The following SOCS7 variants were observed in gnomAD, a reference collection of about 807,000 sequenced individuals.
The protein encoded by SOCS7 is NAP-4.
Under a neutral mutation model 58.9 loss-of-function variants are expected in SOCS7, and 18 were observed. The ratio of observed to expected loss-of-function variants is 0.31; its 90% CI spans 0.21 to 0.45. The LOEUF (loss-of-function observed/expected upper bound fraction) is 0.45, where lower values mean the gene tolerates loss of function less well. Among genes scored for constraint, SOCS7 ranks in the 20% least tolerant of loss-of-function variants. The pLI is 1.00. For missense variants in SOCS7, 667 were observed against 837.3 expected (o/e 0.80, Z 2.51); for synonymous variants, 388 against 364.3 (o/e 1.06, Z -0.74).
At position 38,399,064 on chromosome 17, in the gene SOCS7, G is replaced by C. The variant is rs540592875; in HGVS notation, c.*31-449G>C. On this transcript the variant is annotated intron_variant, in intron 9 of 9. Transcript: ENST00000612932. ...GATCATGCCTTTGCACTCCAGCCTG[G>C]GTGACAGAGCGAGACTCCGTCTCAA... is the stretch of plus-strand genomic sequence containing the variant. Among the ~76,000 whole-genome samples, 6 of 150,922 alleles carry C rather than the reference G, an allele frequency of 4.0e-5. No individual in the cohort carries two copies. In the East Asian group the frequency reaches 1.2e-3, roughly 29 times the overall value.
rs960754798 is a variant in SOCS7 at position 38,352,051 on chromosome 17, C to T, written c.-2C>T. Among the ~76,000 whole-genome samples the T allele has an allele frequency of 2.0e-5, 3 of 151,256 alleles. No individual in the cohort carries two copies. Among genetic ancestry groups the T allele is most frequent in the Non-Finnish European group, 4.4e-5 (3 of 67,686 alleles). On this transcript the variant is annotated 5_prime_UTR_variant, in exon 1 of 10. Coordinates refer to ENST00000612932, the MANE Select transcript of SOCS7 (RefSeq NM_014598.4). The surrounding 1 kb of genome is among the most constrained non-coding windows in gnomAD (Gnocchi z 5.5). ...GCCGCCCGCCCTCCCTCCCTCTCCC[C>T]GATGCAGGAGGCCGAGCTCCGGGAT...
At position 38,384,797 on chromosome 17, in the gene SOCS7, T is replaced by A. The variant is rs1285629787; in HGVS notation, c.1681+6955T>A. ...TAGTAGAGGCAGGGTTTTACCATGT[T>A]GGTCAGGCTTGTCTTGAACTCCTGA... is the stretch of plus-strand genomic sequence containing the variant. On this transcript the variant is annotated intron_variant, in intron 7 of 9. Coordinates refer to ENST00000612932, the MANE Select transcript of SOCS7 (RefSeq NM_014598.4). Among the ~76,000 whole-genome samples, 9 of 152,100 alleles carry A rather than the reference T, an allele frequency of 5.9e-5. No individual in the cohort carries two copies. The South Asian group carries it at 1.5e-3, about 25-fold the overall frequency.
chr17:38,380,615 A>G (rs1284546616), intron 7 of SOCS7, among the ~76,000 whole-genome samples: 2 of 151,300 alleles, frequency 1.3e-5, no homozygotes, highest in Non-Finnish European at 2.9e-5. Context: ...TGGGCCCCCA[A>G]GCAAGACTCT....
At chr17:38,367,045 T>G (rs1371888014) in intron 5 of SOCS7, among the ~76,000 whole-genome samples, 1 of 151,054 alleles carries the variant, frequency 6.6e-6, no homozygotes, top group Non-Finnish European at 1.5e-5. Flanking sequence ...TTATTATTCT[T>G]TGTTTTTTGT....
chr17:38,386,245 A>G (rs1342539045), intron 7 of SOCS7, among the ~76,000 whole-genome samples: 1 of 147,442 alleles, frequency 6.8e-6, no homozygotes, highest in Non-Finnish European at 1.5e-5. Context: ...AATGGCCTGA[A>G]CCCAGGAGGC....
In SOCS7 at chr17:38,354,085, T is replaced by G. The variant is rs147858957; in HGVS notation, c.980+1053T>G. ...CCTGCATTTCTGAGGGGTGGACTGA[T>G]CTTCGGCATCCAGTGTTACATCTGT... On this transcript the variant is annotated intron_variant, in intron 1 of 9. Coordinates refer to ENST00000612932, the MANE Select transcript of SOCS7 (RefSeq NM_014598.4). Among the ~76,000 whole-genome samples the G allele has an allele frequency of 3.2e-3, 481 of 152,338 alleles. 14 individuals are homozygous for G. Among genetic ancestry groups the G allele is most frequent in the East Asian group, 1.4e-3 (7 of 5,184 alleles).
chr17:38,382,803 T>C (rs957762035), intron 7 of SOCS7, among the ~76,000 whole-genome samples: 4 of 152,180 alleles, frequency 2.6e-5, no homozygotes, highest in African/African-American at 9.7e-5. Context: ...GACAGCTCTT[T>C]AAGGAAATTG....
chr17:38,381,995 A>G (rs776489119), intron 7 of SOCS7, among the ~76,000 whole-genome samples: 25 of 150,030 alleles, frequency 1.7e-4, no homozygotes, highest in Non-Finnish European at 3.2e-4. Context: ...CTAAACCCCT[A>G]ACACCAGACA....
rs774377632 is a variant in SOCS7, at chr17:38,402,780, A to G, written c.*3298A>G. ...GTTGTATTTTCAAGTCACAAATTGG[A>G]AAAGGCTTACATCTAGGGACCCACT... On this transcript the variant is annotated 3_prime_UTR_variant, in exon 10 of 10. Transcript: ENST00000612932. 6.6e-6 allele frequency: 1 copy of G among 152,156 alleles called. No homozygotes were observed. The highest frequency in any genetic ancestry group is 1.5e-5 in the Non-Finnish European group (1 of 68,026). The allele number at this position is 152,156 out of a possible 1,614,324, so 9.4% of individuals were successfully genotyped here. A position where few individuals can be genotyped will look rare whatever the true frequency, so the allele number is the denominator to read the frequency against.
At chr17:38,388,460 A>G (rs1422207513) in intron 7 of SOCS7, among the ~76,000 whole-genome samples, 1 of 152,130 alleles carries the variant, frequency 6.6e-6, no homozygotes, top group African/African-American at 2.4e-5. Context: ...CAGAGGTTGC[A>G]GTAAGCTGAG....
chr17:38,353,621 A>G (rs572800614), intron 1 of SOCS7, among the ~76,000 whole-genome samples: 52 of 152,308 alleles, frequency 3.4e-4, no homozygotes, highest in Non-Finnish European at 6.6e-4. Flanking sequence ...AGAAAATAGC[A>G]GACCGGGCAC....
chr17:38,360,146 T>A (rs113143716), intron 1 of SOCS7, among the ~76,000 whole-genome samples: 183 of 152,120 alleles, frequency 1.2e-3, no homozygotes, highest in African/African-American at 2.9e-3. Flanking sequence ...TTGACAAATT[T>A]ATATATAGTC....
At position 38,396,005 on chromosome 17, in the gene SOCS7, G is replaced by A. The variant is rs995385017; in HGVS notation, c.*30+7G>A. On this transcript the variant is annotated splice_region_variant and intron_variant, in intron 9 of 9. Transcript: ENST00000612932. ...CTGCTGGTCACCACCAAGGGTATGAGCTCTCTGCCTCACTGCCCAGCCACA... is the reference window on the plus strand; with the variant it reads ...CTGCTGGTCACCACCAAGGGTATGAACTCTCTGCCTCACTGCCCAGCCACA... 1.9e-6 allele frequency: 3 copies of A among 1,563,286 alleles called. No individual in the cohort carries two copies. Among genetic ancestry groups the A allele is most frequent in the Non-Finnish European group, 2.6e-6 (3 of 1,163,768 alleles).
rs1418282193 is a variant in SOCS7 at position 38,399,752 on chromosome 17, G to C, written c.*270G>C. 1 of 152,662 alleles carries C rather than the reference G, an allele frequency of 6.6e-6. No homozygotes were observed. The highest frequency in any genetic ancestry group is 1.5e-5 in the Non-Finnish European group (1 of 68,056). 9.5% of individuals were successfully genotyped at this position (152,662 alleles called of 1,614,324 possible). ...GAAAACTGGAAGAAGTCTCAACACT[G>C]TTTCTTTTTCAGAAGTTTTGTTTTT... is the stretch of plus-strand genomic sequence containing the variant. On this transcript the variant is annotated 3_prime_UTR_variant, in exon 10 of 10. Coordinates refer to ENST00000612932, the MANE Select transcript of SOCS7 (RefSeq NM_014598.4).
Position 38,364,834 on chromosome 17 carries a change from G to A in SOCS7, c.1128G>A (p.Pro376=), listed in dbSNP as rs146657304. 7.4e-6 allele frequency: 12 copies of A among 1,613,508 alleles called. No homozygotes were observed. Among genetic ancestry groups the A allele is most frequent in the Admixed American group, 6.7e-5 (4 of 59,930 alleles). ...ACCCTCCAACTCCCCCTCCTCCTCCGAGAAGAAGCCTCAGCCTCCTAGGTA... is the reference window on the plus strand; with the variant it reads ...ACCCTCCAACTCCCCCTCCTCCTCCAAGAAGAAGCCTCAGCCTCCTAGGTA... ...SPHPPTPPPP[P]RRSLSLLDDI... Residue 376 remains proline (P), a synonymous_variant, in exon 3 of 10, where the codon CCG becomes CCA. Coordinates refer to ENST00000612932, the MANE Select transcript of SOCS7 (RefSeq NM_014598.4).
In SOCS7 at chr17:38,402,201, G is replaced by A. The variant is rs371819588; in HGVS notation, c.*2719G>A. 3 of 152,636 alleles carry A rather than the reference G, an allele frequency of 2.0e-5. No individual in the cohort carries two copies. The highest frequency in any genetic ancestry group is 7.2e-5 in the African/African-American group (3 of 41,466). The allele number at this position is 152,636 out of a possible 1,614,324, so 9.5% of individuals were successfully genotyped here. A position where few individuals can be genotyped will look rare whatever the true frequency, so the allele number is the denominator to read the frequency against. On this transcript the variant is annotated 3_prime_UTR_variant, in exon 10 of 10. Transcript: ENST00000612932. ...TCTCTGTGGAGTGGGCTGCAAAACAGCAGCGCAAGAGGAGACAGTCTTCGT... is the reference window on the plus strand; with the variant it reads ...TCTCTGTGGAGTGGGCTGCAAAACAACAGCGCAAGAGGAGACAGTCTTCGT...
intron 1 of SOCS7, among the ~76,000 whole-genome samples, chr17:38,357,155 A>T (rs141935532): frequency 2.6e-5 from 4 of 152,180 alleles, no homozygotes; most frequent in Non-Finnish European, 5.9e-5. Flanking sequence ...TTTGGCATCC[A>T]TTTGGGGCCC....
At position 38,366,352 on chromosome 17, in the gene SOCS7, C is replaced by G; in HGVS notation, c.1318C>G (p.Leu440Val). The G allele has an allele frequency of 6.2e-7, 1 of 1,614,216 alleles. No individual in the cohort carries two copies. Among genetic ancestry groups the G allele is most frequent in the Non-Finnish European group, 8.5e-7 (1 of 1,180,042 alleles). Residue 440 changes from leucine (L) to valine (V), a missense_variant, in exon 5 of 10, where the codon CTC becomes GTC. By Grantham distance (32) the Leu-to-Val change is conservative. Transcript: ENST00000612932. ...ESLHSQPPQH[L>V]QCPLYRPDSS... ...CCTGCACAGCCAACCCCCACAGCAC[C>G]TCCAGTGTCCCCTCTACCGGCCTGA...
chr17:38,386,611 C>CT (rs1216139615), intron 7 of SOCS7, among the ~76,000 whole-genome samples: 2 of 152,008 alleles, frequency 1.3e-5, no homozygotes, highest in Admixed American at 1.3e-4. Flanking sequence ...TGATGATACT[C>CT]TAATTTTATC....
Sources: allele counts gnomAD v4.1 joint callset (sites outside exome capture counted in the v4.1 genomes callset), GRCh38; gene constraint gnomAD v4.1.1; non-coding constraint Gnocchi (gnomAD v3.1); transcripts MANE v1.5; gene names NCBI Gene and HGNC (gene_info 2026-07-23, HGNC 2026-07-21).